TEX48: variants seen among roughly 807,000 people sequenced by gnomAD.
The protein encoded by TEX48 is testis-expressed protein 48.
A neutral mutation model predicts 13.2 loss-of-function variants in TEX48; 10 were observed. That is an observed-to-expected ratio of 0.75 (90% CI 0.47 to 1.28). TEX48 has a LOEUF of 1.28. TEX48 is among the 50% of genes most tolerant of loss of function. TEX48 has a pLI of 0.00. For missense variants in TEX48, 116 were observed against 139.4 expected (o/e 0.83, Z 0.84); for synonymous variants, 45 against 52.3 (o/e 0.86, Z 0.60).
At chr9:114,676,690 C>G (rs1828075798) in intron 1 of TEX48, among the ~76,000 whole-genome samples, 1 of 151,130 alleles carries the variant, frequency 6.6e-6, no homozygotes, top group South Asian at 2.1e-4. Context: ...AATCTTGTCT[C>G]ACTTCGTGCT....
intron 1 of TEX48, among the ~76,000 whole-genome samples, chr9:114,674,681 CTT>C (rs1313774647): frequency 1.4e-5 from 2 of 138,586 alleles, no homozygotes; most frequent in African/African-American, 5.5e-5. Context: ...TTCCTTCTCT[CTT>C]GCTCTCACTC....
chr9:114,675,573 T>C (rs1048350010), intron 1 of TEX48, among the ~76,000 whole-genome samples: 13 of 152,206 alleles, frequency 8.5e-5, no homozygotes, highest in African/African-American at 3.1e-4. Flanking sequence ...TTCACCGTAG[T>C]GTAAGCCACC....
At chr9:114,677,090 T>C (rs1828087000) in intron 1 of TEX48, among the ~76,000 whole-genome samples, 1 of 152,222 alleles carries the variant, frequency 6.6e-6, no homozygotes, top group African/African-American at 2.4e-5. Flanking sequence ...GCACATAAGC[T>C]GTTCCTTGTG....
At chr9:114,681,261 C>T (rs540463815) in intron 1 of TEX48, among the ~76,000 whole-genome samples, 40 of 152,306 alleles carry the variant, frequency 2.6e-4, no homozygotes, top group Non-Finnish European at 5.1e-4. Flanking sequence ...GCTCTCTCCA[C>T]ATCTTTACTA....
At chr9:114,672,512 T>C (rs1827967597) in intron 1 of TEX48, among the ~76,000 whole-genome samples, 4 of 152,262 alleles carry the variant, frequency 2.6e-5, no homozygotes, top group Non-Finnish European at 1.5e-5. Context: ...CATGGTATTG[T>C]TTAGGCGTCC....
intron 2 of TEX48, 61 bp downstream of exon 2, chr9:114,671,659 C>T (rs1827950043): frequency 6.5e-7 from 1 of 1,534,886 alleles, no homozygotes; most frequent in African/African-American, 1.4e-5. Context: ...TGTAGCTTCC[C>T]ATGGCCAGCA....
At chr9:114,670,364 T>C (rs974847890) in intron 3 of TEX48, among the ~76,000 whole-genome samples, 1 of 152,160 alleles carries the variant, frequency 6.6e-6, no homozygotes, top group Non-Finnish European at 1.5e-5. Context: ...CACATGTGGA[T>C]TTCTGTCAAA....
intron 2 of TEX48, 83 bp downstream of exon 2, chr9:114,671,637 T>C (rs1827949629): frequency 1.3e-6 from 2 of 1,531,836 alleles, no homozygotes; most frequent in African/African-American, 2.7e-5. Flanking sequence ...TCCTCCCCTC[T>C]CCCAAATCTT....
At chr9:114,681,884 G>A (rs1828207904) in intron 1 of TEX48, among the ~76,000 whole-genome samples, 151 bp downstream of exon 1, 1 of 152,104 alleles carries the variant, frequency 6.6e-6, no homozygotes, top group Non-Finnish European at 1.5e-5. Context: ...CAGAGAGAGA[G>A]AGAAACAGTG....
At chr9:114,680,252 C>T (rs972318590) in intron 1 of TEX48, among the ~76,000 whole-genome samples, 13 of 151,556 alleles carry the variant, frequency 8.6e-5, no homozygotes, top group South Asian at 6.3e-4. Flanking sequence ...CTCAGCCTCC[C>T]GAGTAGCTGG....
chr9:114,679,529 A>G (rs1046519652), intron 1 of TEX48, among the ~76,000 whole-genome samples: 1 of 152,182 alleles, frequency 6.6e-6, no homozygotes, highest in Non-Finnish European at 1.5e-5. Context: ...GGCATTGTCT[A>G]TAAATATAAA....
intron 1 of TEX48, among the ~76,000 whole-genome samples, chr9:114,674,666 C>CCTCT: frequency 2.7e-5 from 1 of 37,048 alleles, no homozygotes; most frequent in South Asian, 9.0e-4. Context: ...TCCTTCCTTC[C>CCTCT]TTCTTTCCTT....
intron 1 of TEX48, among the ~76,000 whole-genome samples, chr9:114,678,984 A>C (rs147946674): frequency 2.2e-3 from 335 of 152,160 alleles, no homozygotes; most frequent in Admixed American, 5.2e-3. Flanking sequence ...GAAAAATAGG[A>C]AGTATGCCAC....
intron 1 of TEX48, among the ~76,000 whole-genome samples, chr9:114,678,914 C>T (rs1366787489): frequency 6.6e-6 from 1 of 150,420 alleles, no homozygotes; most frequent in African/African-American, 2.5e-5. Flanking sequence ...TGAAAAAGGT[C>T]AGAAGATTCA....
intron 3 of TEX48, 90 bp from the exon 4 acceptor site, chr9:114,668,427 C>T (rs1827882449): frequency 8.3e-7 from 1 of 1,202,714 alleles, no homozygotes; most frequent in African/African-American, 1.5e-5. Flanking sequence ...AAGCAGCGCA[C>T]ACAGGCAAGT....
intron 3 of TEX48, among the ~76,000 whole-genome samples, 190 bp from the exon 4 acceptor site, chr9:114,668,527 T>A (rs1234969356): frequency 1.3e-5 from 2 of 152,160 alleles, no homozygotes; most frequent in Non-Finnish European, 2.9e-5. Flanking sequence ...GGATTCAAAG[T>A]GTGTATTTTA....
At chr9:114,680,762 T>C (rs538561425) in intron 1 of TEX48, among the ~76,000 whole-genome samples, 10 of 152,278 alleles carry the variant, frequency 6.6e-5, no homozygotes, top group Middle Eastern at 3.4e-3. Flanking sequence ...GTAACCACGG[T>C]AACAACGAAT....
chr9:114,668,456 G>C, intron 3 of TEX48, 119 bp from the exon 4 acceptor site: 1 of 819,812 alleles, frequency 1.2e-6, no homozygotes, highest in South Asian at 1.5e-5. Flanking sequence ...TTATGGGGTG[G>C]GGGTGTACCT....
At chr9:114,667,821 C>G (rs753998641) in intron 4 of TEX48, among the ~76,000 whole-genome samples, 3 of 137,218 alleles carry the variant, frequency 2.2e-5, no homozygotes, top group Non-Finnish European at 4.5e-5. Flanking sequence ...ATCACTTGAA[C>G]CTGGGAGGTG....
Sources: allele counts gnomAD v4.1 joint callset (sites outside exome capture counted in the v4.1 genomes callset), GRCh38; gene constraint gnomAD v4.1.1; transcripts MANE v1.5; gene names NCBI Gene and HGNC (gene_info 2026-07-23, HGNC 2026-07-21).